The following TRIP12 variants were observed in gnomAD, a reference collection of about 807,000 sequenced individuals.
TRIP12 encodes E3 ubiquitin-protein ligase TRIP12.
Under a neutral mutation model 244.2 loss-of-function variants are expected in TRIP12, and 25 were observed. That is an observed-to-expected ratio of 0.10 (90% CI 0.07 to 0.14). The LOEUF (loss-of-function observed/expected upper bound fraction) is 0.14. Ranked by LOEUF, TRIP12 falls within the 10% of genes least tolerant of loss-of-function variation. TRIP12 has a pLI of 1.00. For missense variants in TRIP12, 1,677 were observed against 2,486.4 expected (o/e 0.67, Z 6.92); for synonymous variants, 905 against 873.1 (o/e 1.04, Z -0.64).
rs1414771252 is a variant in TRIP12, at chr2:229,860,410, T to G, written c.220A>C (p.Lys74Gln). 1.3e-5 allele frequency: 20 copies of G among 1,592,714 alleles called. No individual in the cohort carries two copies. The highest frequency in any genetic ancestry group is 1.7e-5 in the Non-Finnish European group (20 of 1,170,896). ...ATAAGCAACATGAAGATTTACCTTTTAGAAAGGTGTCCCCTTGACAGTTCA... is the reference window on the plus strand; with the variant it reads ...ATAAGCAACATGAAGATTTACCTTTGAGAAAGGTGTCCCCTTGACAGTTCA... ...TSELSRGHLS[K>Q]RSCSSSSAVI... The change falls in exon 3 of 42, where the codon AAA becomes CAA. Residue 74 changes from lysine to glutamine, a missense_variant. By Grantham distance (53) the Lys-to-Gln change is moderately conservative. Around this residue, in one of 11 missense-constraint regions of TRIP12, gnomAD observed 387 missense variants for 392.6 expected, o/e 0.99. Coordinates refer to ENST00000675903, the MANE Select transcript of TRIP12 (RefSeq NM_001348323.3).
chr2:229,811,616 T>A (rs2047267953), intron 13 of TRIP12, among the ~76,000 whole-genome samples: 1 of 152,182 alleles, frequency 6.6e-6, no homozygotes, highest in African/African-American at 2.4e-5. Flanking sequence ...AACCAGAGGT[T>A]TCTTGACAAT....
rs369356682 is a variant in TRIP12 at position 229,768,738 on chromosome 2, T to C, written c.5904-19A>G. ...AGCCCGACTATAACAGAAATAAATATACCAAAATTATTTCATCAGGTTAAA... is the reference window on the plus strand; with the variant it reads ...AGCCCGACTATAACAGAAATAAATACACCAAAATTATTTCATCAGGTTAAA... On this transcript the variant is annotated intron_variant, in intron 40 of 41. Coordinates refer to ENST00000675903, the MANE Select transcript of TRIP12 (RefSeq NM_001348323.3). The C allele has an allele frequency of 1.6e-4, 251 of 1,585,158 alleles. 3 individuals carry two copies. The highest frequency in any genetic ancestry group is 1.0e-3 in the Middle Eastern group (6 of 5,970).
chr2:229,893,276 AAC>A (rs1451484371), intron 1 of TRIP12, among the ~76,000 whole-genome samples: 5 of 152,238 alleles, frequency 3.3e-5, no homozygotes, highest in Admixed American at 6.5e-5. Flanking sequence ...TGTATCATAA[AAC>A]AGTTTCCAAA....
chr2:229,870,921 C>T (rs945172845), intron 2 of TRIP12, among the ~76,000 whole-genome samples: 7 of 152,078 alleles, frequency 4.6e-5, no homozygotes, highest in Non-Finnish European at 1.0e-4. Flanking sequence ...CACCTGTAAT[C>T]CTAGCACTAC....
intron 8 of TRIP12, among the ~76,000 whole-genome samples, chr2:229,820,190 A>G (rs2049656756): frequency 6.6e-6 from 1 of 152,186 alleles, no homozygotes; most frequent in Non-Finnish European, 1.5e-5. Flanking sequence ...AGTATGGCCT[A>G]AGAGCACAAC....
At chr2:229,872,550 C>G (rs1263106926) in intron 2 of TRIP12, among the ~76,000 whole-genome samples, 2 of 152,044 alleles carry the variant, frequency 1.3e-5, no homozygotes, top group Admixed American at 1.3e-4. Flanking sequence ...TGAGACAGAG[C>G]AAGACTCTGT....
intron 2 of TRIP12, among the ~76,000 whole-genome samples, chr2:229,867,113 T>TG (rs1328040436): frequency 1.3e-5 from 2 of 151,602 alleles, no homozygotes; most frequent in Non-Finnish European, 2.9e-5. Context: ...TTTTTTGTTT[T>TG]TTTTTTTAAG....
intron 8 of TRIP12, among the ~76,000 whole-genome samples, chr2:229,826,775 TAGA>T (rs772621097): frequency 2.0e-5 from 3 of 152,076 alleles, no homozygotes; most frequent in Non-Finnish European, 4.4e-5. Context: ...TATCTACAAA[TAGA>T]AGAAGTAGAG....
intron 2 of TRIP12, among the ~76,000 whole-genome samples, chr2:229,872,504 C>T (rs1014271853): frequency 6.6e-6 from 1 of 152,068 alleles, no homozygotes; most frequent in African/African-American, 2.4e-5. Context: ...GCAGAGGTTG[C>T]AGTGAGCCAA....
chr2:229,785,527 T>A (rs1313181484), intron 34 of TRIP12, among the ~76,000 whole-genome samples: 1 of 152,230 alleles, frequency 6.6e-6, no homozygotes, highest in Non-Finnish European at 1.5e-5. Context: ...TTTCAATTTA[T>A]CAACTTAAAG....
intron 25 of TRIP12, among the ~76,000 whole-genome samples, chr2:229,796,199 A>G (rs761950381): frequency 1.3e-5 from 2 of 152,248 alleles, no homozygotes; most frequent in Non-Finnish European, 2.9e-5. Flanking sequence ...TTTTATGTAC[A>G]AAACAAGAAA....
At chr2:229,817,583 T>A (rs2048817292) in intron 9 of TRIP12, among the ~76,000 whole-genome samples, 1 of 152,192 alleles carries the variant, frequency 6.6e-6, no homozygotes, top group African/African-American at 2.4e-5. Context: ...TAAAGTCTTT[T>A]ATTTCTTTTT....
At chr2:229,868,910 A>G (rs951930593) in intron 2 of TRIP12, among the ~76,000 whole-genome samples, 3 of 152,228 alleles carry the variant, frequency 2.0e-5, no homozygotes, top group Non-Finnish European at 4.4e-5. Context: ...TTGTCCAACC[A>G]CTTGGAAGCA....
At chr2:229,878,650 C>T (rs1238306669) in intron 2 of TRIP12, among the ~76,000 whole-genome samples, 3 of 150,562 alleles carry the variant, frequency 2.0e-5, no homozygotes, top group Non-Finnish European at 4.4e-5. Context: ...GGCGTGATCT[C>T]GCTCACTGCA....
chr2:229,771,308 G>C (rs1038270134), intron 39 of TRIP12, among the ~76,000 whole-genome samples: 1 of 152,182 alleles, frequency 6.6e-6, no homozygotes, highest in African/African-American at 2.4e-5. Flanking sequence ...ACTGTCACGC[G>C]TGGAACCCGC....
intron 34 of TRIP12, among the ~76,000 whole-genome samples, chr2:229,780,441 G>A (rs2037735338): frequency 6.6e-6 from 1 of 152,156 alleles, no homozygotes; most frequent in East Asian, 1.9e-4. Context: ...AGGAGCAAGC[G>A]TAATCCTTAC....
At chr2:229,862,131 A>G (rs561838447) in intron 2 of TRIP12, among the ~76,000 whole-genome samples, 15 of 152,274 alleles carry the variant, frequency 9.9e-5, no homozygotes, top group Admixed American at 9.8e-4. Flanking sequence ...ATCTCGGCTC[A>G]CTGCAACCTC....
intron 8 of TRIP12, among the ~76,000 whole-genome samples, chr2:229,826,535 A>G (rs2051651783): frequency 6.6e-6 from 1 of 152,218 alleles, no homozygotes; most frequent in South Asian, 2.1e-4. Context: ...ATGAAATTTT[A>G]TAGATTAAAA....
chr2:229,922,585 C>T, upstream of TRIP12: 2 of 1,614,096 alleles, frequency 1.2e-6, no homozygotes, highest in Non-Finnish European at 1.7e-6. Context: ...AAGACTATTA[C>T]CAGTTACTGG....
Sources: allele counts gnomAD v4.1 joint callset (sites outside exome capture counted in the v4.1 genomes callset), GRCh38; gene constraint gnomAD v4.1.1; regional missense constraint gnomAD v4.1.1; transcripts MANE v1.5; gene names NCBI Gene and HGNC (gene_info 2026-07-23, HGNC 2026-07-21).